The following MOCS1 variants were observed in gnomAD, a reference collection of about 807,000 sequenced individuals.
MOCS1 encodes the protein molybdenum cofactor biosynthesis protein 1.
Under a neutral mutation model 57.6 loss-of-function variants are expected in MOCS1, and 39 were observed. The observed-to-expected ratio is 0.68, with a 90% CI of 0.52 to 0.88. The LOEUF is 0.88. Among genes scored for constraint, MOCS1 ranks in the 40% least tolerant of loss-of-function variants. MOCS1 has a pLI of 0.00. For synonymous variants in MOCS1, 334 were observed against 335.7 expected (o/e 1.00, Z 0.05); for missense variants, 795 against 831.1 (o/e 0.96, Z 0.53).
chr6:39,910,324 G>C (rs1205384698), intron 8 of MOCS1, among the ~76,000 whole-genome samples: 1 of 152,194 alleles, frequency 6.6e-6, no homozygotes, highest in Non-Finnish European at 1.5e-5. Context: ...ACCAGTTGGA[G>C]CTGTGTGTGT....
In MOCS1 at chr6:39,906,148, T is replaced by C. The variant is rs2149395109; in HGVS notation, c.*209A>G. On this transcript the variant is annotated 3_prime_UTR_variant, in exon 11 of 11. Coordinates refer to ENST00000340692, the MANE Select transcript of MOCS1 (RefSeq NM_001358530.2). Reference sequence around the variant, plus strand: ...CCTGGAAGGCTTAAGGGCCTGCTGGTATCCTCCCTATAGAAAGGAAGCCCC... The same window carrying C: ...CCTGGAAGGCTTAAGGGCCTGCTGGCATCCTCCCTATAGAAAGGAAGCCCC... 1.4e-6 allele frequency: 1 copy of C among 719,888 alleles called. No homozygotes were observed. The highest frequency in any genetic ancestry group is 2.5e-6 in the Non-Finnish European group (1 of 402,672). The allele number at this position is 719,888 out of a possible 1,614,324, so 44.6% of individuals were successfully genotyped here.
Position 39,909,093 on chromosome 6 carries a change from C to G in MOCS1, c.1112G>C (p.Ser371Thr). ...GGGCCGGTTCTTCATCTGGGAAATA[C>G]TGAACATGCCTGGGGTGAGGGAAAG... ...RKKRQHAGMF[S>T]ISQMKNRPMI... Residue 371 changes from serine (S) to threonine (T), a missense_variant, in exon 10 of 11, where the codon AGT (serine) becomes ACT (threonine). Transcript: ENST00000340692. 6.2e-7 allele frequency: 1 copy of G among 1,605,992 alleles called. No individual in the cohort carries two copies. Among genetic ancestry groups the G allele is most frequent in the Non-Finnish European group, 8.5e-7 (1 of 1,178,226 alleles).
chr6:39,912,700 C>T (rs1237855806), intron 7 of MOCS1, among the ~76,000 whole-genome samples, 192 bp downstream of exon 7: 1 of 152,216 alleles, frequency 6.6e-6, no homozygotes, highest in African/African-American at 2.4e-5. Context: ...CTGAGCCCCC[C>T]ACCCTAGCCG....
In MOCS1 at chr6:39,913,256, A is replaced by C. The variant is rs73414865; in HGVS notation, c.757+61T>G. On this transcript the variant is annotated intron_variant, in intron 6 of 10. Coordinates refer to ENST00000340692, the MANE Select transcript of MOCS1 (RefSeq NM_001358530.2). ...CAGCCATACCCAGTGGGTGAGCCAC[A>C]CTATGCGACCTGCAGGCCCAACCCC... is the stretch of plus-strand genomic sequence containing the variant. The C allele has an allele frequency of 0.021, 30,565 of 1,439,774 alleles. 784 individuals are homozygous for C. Among genetic ancestry groups the C allele is most frequent in the African/African-American group, 0.11 (8,061 of 71,430 alleles). 89.2% of individuals were successfully genotyped at this position (1,439,774 alleles called of 1,614,324 possible).
rs116298260 is a variant in MOCS1, at chr6:39,929,997, G to A, written c.124-2542C>T. ...GTGCTTTTGTTCTGGCAATGGGAGA[G>A]GCTGGTCAGATTTCACTTTTAAGAA... is the stretch of plus-strand genomic sequence containing the variant. On this transcript the variant is annotated intron_variant, in intron 1 of 10. Coordinates refer to ENST00000340692, the MANE Select transcript of MOCS1 (RefSeq NM_001358530.2). 8.4e-3 allele frequency among the ~76,000 whole-genome samples: 1,277 copies of A among 151,176 alleles called. 105 individuals carry two copies. The East Asian group carries it at 0.19, about 22-fold the overall frequency.
At chr6:39,916,046 C>G in intron 4 of MOCS1, 22 bp downstream of exon 4, 1 of 1,586,580 alleles carries the variant, frequency 6.3e-7, no homozygotes, top group South Asian at 1.1e-5. Flanking sequence ...GAGGGACACC[C>G]ACCCCATCCA....
chr6:39,905,290 T>C lies in MOCS1; in HGVS notation c.*1067A>G, dbSNP rs754337805. 5 of 454,892 alleles carry C rather than the reference T, an allele frequency of 1.1e-5. No individual in the cohort carries two copies. Among genetic ancestry groups the C allele is most frequent in the Non-Finnish European group, 2.2e-5 (5 of 226,970 alleles). The allele number at this position is 454,892 out of a possible 1,614,324, so 28.2% of individuals were successfully genotyped here. ...GCTTTGAACACCCCTGGCCACCACC[T>C]GACAAAAGATTTCCCTTAGATGGTG... On this transcript the variant is annotated 3_prime_UTR_variant, in exon 11 of 11. Transcript: ENST00000340692.
chr6:39,909,369 G>C (rs1013464679), intron 9 of MOCS1, among the ~76,000 whole-genome samples: 1 of 151,266 alleles, frequency 6.6e-6, no homozygotes, highest in East Asian at 2.0e-4. Flanking sequence ...GGGACAGGGC[G>C]GGGAGAGGAG....
intron 9 of MOCS1, 58 bp downstream of exon 9, chr6:39,909,777 C>T (rs968342515): frequency 6.2e-7 from 1 of 1,605,176 alleles, no homozygotes; most frequent in African/African-American, 1.3e-5. Context: ...TCCACACCTC[C>T]CTCCCAGGGA....
intron 8 of MOCS1, among the ~76,000 whole-genome samples, chr6:39,911,150 C>A (rs1290141005): frequency 1.3e-5 from 2 of 152,168 alleles, no homozygotes; most frequent in Non-Finnish European, 2.9e-5. Context: ...TCTTCAGAAT[C>A]CCACCTTCCA....
Position 39,905,720 on chromosome 6 carries a change from GGGGGCCAGAGGAAAA to G in MOCS1, c.*622_*636del, listed in dbSNP as rs769555033. Reference sequence around the variant, plus strand: ...GTGTGCACATCCTGTTTCAGAAGAGGGGGGCCAGAGGAAAAGGGGCCAGCAGGACCGGGCAACTGT... The same window carrying G: ...GTGTGCACATCCTGTTTCAGAAGAGGGGGGCCAGCAGGACCGGGCAACTGT... On this transcript the variant is annotated 3_prime_UTR_variant, in exon 11 of 11. Transcript: ENST00000340692. 4.2e-6 allele frequency: 2 copies of G among 471,058 alleles called. No homozygotes were observed. The highest frequency in any genetic ancestry group is 8.8e-6 in the Non-Finnish European group (2 of 227,076). The allele number at this position is 471,058 out of a possible 1,614,324, so 29.2% of individuals were successfully genotyped here.
At chr6:39,927,211 T>C (rs1768367562) in intron 2 of MOCS1, 118 bp downstream of exon 2, 1 of 1,327,794 alleles carries the variant, frequency 7.5e-7, no homozygotes, top group African/African-American at 1.4e-5. Flanking sequence ...GGGTAGCAGG[T>C]GAAGAAGTTA....
At position 39,904,450 on chromosome 6, in the gene MOCS1, T is replaced by C. The variant is rs1314973601; in HGVS notation, c.*1907A>G. The C allele has an allele frequency of 2.2e-6, 1 of 454,712 alleles. No homozygotes were observed. Among genetic ancestry groups the C allele is most frequent in the South Asian group, 1.6e-5 (1 of 64,476 alleles). The allele number at this position is 454,712 out of a possible 1,614,324, so 28.2% of individuals were successfully genotyped here. A position where few individuals can be genotyped will look rare whatever the true frequency, so the allele number is the denominator to read the frequency against. On this transcript the variant is annotated 3_prime_UTR_variant, in exon 11 of 11. Coordinates refer to ENST00000340692, the MANE Select transcript of MOCS1 (RefSeq NM_001358530.2). ...AATAGGTTGTTTCTTGGTCTTGCTT[T>C]CTTCATGCCCTCCCCACTGCTCCTG...
Position 39,906,868 on chromosome 6 carries a change from C to A in MOCS1, c.1400G>T (p.Trp467Leu). ...GGGTCCTGAGGGGGCAGCAGAAGCC[C>A]AGGAACCTGGGCTAAGGCACTTTGA... ...ANSKCLSPGS[W>L]ASAAPSGPQL... Residue 467 changes from tryptophan (W) to leucine (L), a missense_variant, in exon 11 of 11, where the codon TGG becomes TTG. Trp to Leu is a moderately conservative substitution (Grantham distance 61). This residue lies in a region of MOCS1 where 374 missense variants were observed against 422.6 expected (regional missense o/e 0.89). Coordinates refer to ENST00000340692, the MANE Select transcript of MOCS1 (RefSeq NM_001358530.2). 1.2e-6 allele frequency: 2 copies of A among 1,614,154 alleles called. No homozygotes were observed. Among genetic ancestry groups the A allele is most frequent in the Non-Finnish European group, 1.7e-6 (2 of 1,180,036 alleles).
chr6:39,917,856 G>A (rs1767749426), intron 3 of MOCS1, among the ~76,000 whole-genome samples: 1 of 152,122 alleles, frequency 6.6e-6, no homozygotes, highest in Non-Finnish European at 1.5e-5. Context: ...TTGAGAAGCA[G>A]AATGAACACA....
chr6:39,924,305 G>GACTA (rs1287723388), intron 3 of MOCS1, among the ~76,000 whole-genome samples: 4 of 152,232 alleles, frequency 2.6e-5, no homozygotes, highest in Non-Finnish European at 4.4e-5. Flanking sequence ...GTACTGCAGA[G>GACTA]ACTACTCTGA....
rs1767216611 is a variant in MOCS1, at chr6:39,909,869, C to G, written c.1068G>C (p.Gly356=). The change falls in exon 9 of 11, where the codon GGG becomes GGC. Residue 356 remains glycine, a synonymous_variant. Coordinates refer to ENST00000340692, the MANE Select transcript of MOCS1 (RefSeq NM_001358530.2). ...GCCGCTTCTTCCTGCCCACAGCAGC[C>G]CCAATGATTCTCAGCAGCTCCTGCT... ...ASEQELLRII[G]AAVGRKKRQH... is the part of the protein sequence containing the mutation. The G allele has an allele frequency of 6.2e-7, 1 of 1,613,798 alleles. No individual in the cohort carries two copies. Among genetic ancestry groups the G allele is most frequent in the African/African-American group, 1.3e-5 (1 of 74,942 alleles).
chr6:39,913,092 C>T (rs959461157), intron 6 of MOCS1, 88 bp from the exon 7 acceptor site: 1 of 1,060,508 alleles, frequency 9.4e-7, no homozygotes, highest in African/African-American at 1.6e-5. Flanking sequence ...CCTGCCACAG[C>T]ATAGCAATCA....
chr6:39,907,149 T>C, intron 10 of MOCS1, 32 bp from the exon 11 acceptor site: 1 of 1,587,110 alleles, frequency 6.3e-7, no homozygotes, highest in Non-Finnish European at 8.6e-7. Context: ...GAAGAAACAC[T>C]AAGTCCAAAA....
Sources: gnomAD v4.1 joint callset for allele counts (sites outside exome capture counted in the v4.1 genomes callset) on GRCh38, gnomAD v4.1.1 for gene constraint, gnomAD v4.1.1 regional missense constraint, MANE v1.5 for transcripts, NCBI Gene and HGNC (gene_info 2026-07-23, HGNC 2026-07-21) for gene names.